SORCS2: variants seen among roughly 807,000 people sequenced by gnomAD.
SORCS2 encodes VPS10 domain-containing receptor SorCS2.
In SORCS2, 100 loss-of-function variants were observed where a neutral mutation model predicts 141.6. That is an observed-to-expected ratio of 0.71 (90% CI 0.60 to 0.83). The LOEUF (loss-of-function observed/expected upper bound fraction) is 0.83. Among genes scored for constraint, SORCS2 ranks in the 40% least tolerant of loss-of-function variants. The probability of loss-of-function intolerance (pLI) is 0.00; values close to 1 mark genes in which losing one functional copy is unlikely to be tolerated. For synonymous variants in SORCS2, 789 were observed against 676.9 expected (o/e 1.17, Z -2.57); for missense variants, 1,646 against 1,560.2 (o/e 1.05, Z -0.93).
chr4:7,559,267 G>A (rs1714358002), intron 3 of SORCS2, among the ~76,000 whole-genome samples: 1 of 152,094 alleles, frequency 6.6e-6, no homozygotes, highest in Non-Finnish European at 1.5e-5. Context: ...GGACCCTGAA[G>A]CCCCTACAAG....
At chr4:7,732,141 G>A (rs1711739411) in intron 23 of SORCS2, among the ~76,000 whole-genome samples, 1 of 152,230 alleles carries the variant, frequency 6.6e-6, no homozygotes, top group South Asian at 2.1e-4. Flanking sequence ...AAGGAGCCAA[G>A]TAGACATTTC....
chr4:7,716,027 C>T (rs563824756), intron 17 of SORCS2, among the ~76,000 whole-genome samples: 4 of 152,344 alleles, frequency 2.6e-5, no homozygotes, highest in South Asian at 2.1e-4. Context: ...CAAGCAGTTA[C>T]GATGCTTTTC....
intron 8 of SORCS2, among the ~76,000 whole-genome samples, chr4:7,672,682 T>C (rs1428339952): frequency 6.6e-6 from 1 of 152,178 alleles, no homozygotes; most frequent in Non-Finnish European, 1.5e-5. Context: ...GGAGGTATTG[T>C]TGAAAGTCCT....
At chr4:7,708,654 C>T (rs1480103361) in intron 14 of SORCS2, among the ~76,000 whole-genome samples, 1 of 152,222 alleles carries the variant, frequency 6.6e-6, no homozygotes, top group East Asian at 1.9e-4. Flanking sequence ...CCAATATGGC[C>T]TCCTGCGACA....
At chr4:7,207,781 C>T (rs1482745442) in intron 1 of SORCS2, among the ~76,000 whole-genome samples, 2 of 152,334 alleles carry the variant, frequency 1.3e-5, no homozygotes, top group Non-Finnish European at 2.9e-5. Flanking sequence ...CAGCATATTT[C>T]ATGAACATTC....
At chr4:7,497,821 C>T (rs1440787838) in intron 2 of SORCS2, among the ~76,000 whole-genome samples, 4 of 152,262 alleles carry the variant, frequency 2.6e-5, no homozygotes. Flanking sequence ...GTCCCCTTTC[C>T]AGAAAATCCA....
At position 7,723,722 on chromosome 4, in the gene SORCS2, A is replaced by T. The variant is rs780798427; in HGVS notation, c.2450A>T (p.Gln817Leu). ...GGTGATGTCCTGACTACCAAGTACC[A>T]GGTAGACCTTGGGGACGGCTTCAAG... Reference protein sequence around the residue: ...EQGDVLTTKYQVDLGDGFKAM... With the variant: ...EQGDVLTTKYLVDLGDGFKAM... Residue 817 changes from glutamine (Q) to leucine (L), a missense_variant, in exon 19 of 27, where the codon CAG becomes CTG. Transcript: ENST00000507866. The T allele has an allele frequency of 1.9e-6, 3 of 1,614,002 alleles. No homozygotes were observed. Among genetic ancestry groups the T allele is most frequent in the Non-Finnish European group, 2.5e-6 (3 of 1,179,874 alleles).
chr4:7,562,538 C>T (rs1321675661), intron 3 of SORCS2, among the ~76,000 whole-genome samples: 2 of 152,182 alleles, frequency 1.3e-5, no homozygotes, highest in East Asian at 1.9e-4. Context: ...TAGGGGCATA[C>T]GCTGTCTCTG....
At chr4:7,314,991 C>T (rs1718467092) in intron 1 of SORCS2, among the ~76,000 whole-genome samples, 1 of 152,062 alleles carries the variant, frequency 6.6e-6, no homozygotes, top group South Asian at 2.1e-4. Context: ...GCCACCATGC[C>T]CAGTTAATTT....
chr4:7,673,534 G>A (rs977689784), intron 8 of SORCS2, among the ~76,000 whole-genome samples: 1 of 152,088 alleles, frequency 6.6e-6, no homozygotes, highest in African/African-American at 2.4e-5. Context: ...GATGTAAAGG[G>A]GCAGACTATA....
intron 1 of SORCS2, among the ~76,000 whole-genome samples, chr4:7,290,130 C>T (rs1438168659): frequency 4.6e-5 from 7 of 152,144 alleles, no homozygotes; most frequent in Non-Finnish European, 7.4e-5. Flanking sequence ...TGGCAGGAAG[C>T]TGATGGCTGG....
At chr4:7,555,478 A>G (rs1417164367) in intron 3 of SORCS2, among the ~76,000 whole-genome samples, 1 of 152,224 alleles carries the variant, frequency 6.6e-6, no homozygotes, top group Non-Finnish European at 1.5e-5. Flanking sequence ...GACACAGCCC[A>G]GGCTGTGGTG....
At chr4:7,559,468 G>A (rs1030434993) in intron 3 of SORCS2, among the ~76,000 whole-genome samples, 11 of 152,280 alleles carry the variant, frequency 7.2e-5, no homozygotes, top group Admixed American at 2.0e-4. Context: ...GGCCGACCCC[G>A]TTGGTGGGTG....
intron 4 of SORCS2, among the ~76,000 whole-genome samples, chr4:7,645,662 C>T (rs917089968): frequency 6.6e-6 from 1 of 152,226 alleles, no homozygotes. Flanking sequence ...TTGTTGAACA[C>T]ATACTGCATG....
At chr4:7,281,707 G>A (rs766028231) in intron 1 of SORCS2, among the ~76,000 whole-genome samples, 3 of 152,212 alleles carry the variant, frequency 2.0e-5, no homozygotes, top group Non-Finnish European at 2.9e-5. Context: ...CCTGGGGGCC[G>A]CAGGCTCCCC....
At chr4:7,410,886 G>A (rs1432430043) in intron 2 of SORCS2, among the ~76,000 whole-genome samples, 2 of 150,204 alleles carry the variant, frequency 1.3e-5, no homozygotes, top group African/African-American at 2.5e-5. Flanking sequence ...GAGAAATCAC[G>A]AGAATTTGAG....
chr4:7,708,553 CGG>C (rs1725622803), intron 14 of SORCS2, among the ~76,000 whole-genome samples: 1 of 152,156 alleles, frequency 6.6e-6, no homozygotes, highest in South Asian at 2.1e-4. Context: ...TTCAGCGCCC[CGG>C]GAGAACAGTG....
intron 1 of SORCS2, among the ~76,000 whole-genome samples, chr4:7,205,086 C>A (rs1343441804): frequency 6.6e-6 from 1 of 152,236 alleles, no homozygotes; most frequent in African/African-American, 2.4e-5. Context: ...TACCACTTAA[C>A]CCCAGCCAAG....
intron 1 of SORCS2, among the ~76,000 whole-genome samples, chr4:7,285,476 A>T (rs553566474): frequency 6.6e-6 from 1 of 151,778 alleles, no homozygotes; most frequent in Admixed American, 6.5e-5. Flanking sequence ...TCACTATCTC[A>T]TGCCCCACTC....
Sources: allele counts gnomAD v4.1 joint callset (sites outside exome capture counted in the v4.1 genomes callset), GRCh38; gene constraint gnomAD v4.1.1; transcripts MANE v1.5; gene names NCBI Gene and HGNC (gene_info 2026-07-23, HGNC 2026-07-21).